The following OXR1 variants were observed in gnomAD, a reference collection of about 807,000 sequenced individuals.
The protein encoded by OXR1 is oxidation resistance 1.
A neutral mutation model predicts 104.6 loss-of-function variants in OXR1; 41 were observed. The ratio of observed to expected loss-of-function variants is 0.39; its 90% CI spans 0.31 to 0.51. The LOEUF is 0.51. OXR1 is among the 20% of genes least tolerant of loss of function. The pLI, the probability that OXR1 is intolerant of heterozygous loss-of-function variation, is 0.77. For synonymous variants in OXR1, 348 were observed against 348.4 expected, an observed-to-expected ratio of 1.00 and a Z score of 0.01; for missense variants, 955 against 1,031.9, an observed-to-expected ratio of 0.93 and a Z score of 1.02.
At chr8:106,579,738 C>A (rs1024872463) in intron 3 of OXR1, among the ~76,000 whole-genome samples, 1 of 151,902 alleles carries the variant, frequency 6.6e-6, no homozygotes, top group Non-Finnish European at 1.5e-5. Context: ...TTTCTGGTCC[C>A]ACTTTTTTTT....
intron 2 of OXR1, among the ~76,000 whole-genome samples, chr8:106,428,514 C>G (rs1449122006): frequency 6.6e-6 from 1 of 151,978 alleles, no homozygotes; most frequent in Non-Finnish European, 1.5e-5. Context: ...ATGGAGGCCA[C>G]TGGTCTACAG....
In OXR1 at chr8:106,702,944, TATA is replaced by T; in HGVS notation, c.717_719del (p.Ile239del). 1 of 1,613,788 alleles carries T rather than the reference TATA, an allele frequency of 6.2e-7. No individual in the cohort carries two copies. The highest frequency in any genetic ancestry group is 1.1e-5 in the South Asian group (1 of 91,068). On this transcript the variant is annotated inframe_deletion, in exon 8 of 17. Coordinates refer to ENST00000517566, the MANE Select transcript of OXR1 (RefSeq NM_001198533.2). ...GTGTGCTGCTAGTTACACCAAATAA[TATA>T]ATGTTTGATCCACATAAAAATGACC...
At chr8:106,574,174 CAGTT>C (rs1186510502) in intron 3 of OXR1, among the ~76,000 whole-genome samples, 1 of 152,120 alleles carries the variant, frequency 6.6e-6, no homozygotes, top group African/African-American at 2.4e-5. Context: ...GAAGCAGTAA[CAGTT>C]AGGATACTAA....
At chr8:106,274,608 C>CA (rs202131614) in intron 1 of OXR1, among the ~76,000 whole-genome samples, 1 of 143,376 alleles carries the variant, frequency 7.0e-6, no homozygotes, top group South Asian at 2.7e-4. Context: ...CCACCCCCCC[C>CA]CCGACCCCGC....
At chr8:106,702,765 G>C (rs1830698502) in intron 7 of OXR1, 141 bp from the exon 8 acceptor site, 3 of 578,460 alleles carry the variant, frequency 5.2e-6, no homozygotes, top group Non-Finnish European at 8.5e-6. Context: ...TAATAAAAAT[G>C]GTTTCATGAG....
At chr8:106,288,055 T>C (rs1444669067) in intron 1 of OXR1, among the ~76,000 whole-genome samples, 1 of 152,192 alleles carries the variant, frequency 6.6e-6, no homozygotes. Flanking sequence ...GCATATCCTC[T>C]TGCCATGGAC....
At chr8:106,288,582 A>G (rs1162976419) in intron 1 of OXR1, among the ~76,000 whole-genome samples, 1 of 141,330 alleles carries the variant, frequency 7.1e-6, no homozygotes, top group African/African-American at 2.9e-5. Context: ...GTGTATATGT[A>G]TATACACACC....
chr8:106,456,106 G>T (rs1263796828), intron 2 of OXR1, among the ~76,000 whole-genome samples: 1 of 152,148 alleles, frequency 6.6e-6, no homozygotes, highest in African/African-American at 2.4e-5. Flanking sequence ...CTTTCCAGCG[G>T]AAATGATCTA....
intron 3 of OXR1, among the ~76,000 whole-genome samples, chr8:106,589,202 C>T (rs756142305): frequency 3.9e-4 from 60 of 152,140 alleles, no homozygotes; most frequent in Non-Finnish European, 7.6e-4. Flanking sequence ...CCATCACAGG[C>T]AGATGTGGGT....
intron 2 of OXR1, among the ~76,000 whole-genome samples, chr8:106,422,745 A>G (rs1361205837): frequency 2.0e-5 from 3 of 152,158 alleles, no homozygotes; most frequent in Admixed American, 6.6e-5. Context: ...GCAGATTCAA[A>G]AAAGAAGGGC....
At chr8:106,433,283 T>G (rs1391231038) in intron 2 of OXR1, among the ~76,000 whole-genome samples, 1 of 152,114 alleles carries the variant, frequency 6.6e-6, no homozygotes. Context: ...TGGGCCAGAT[T>G]ATCAATCTGA....
intron 3 of OXR1, among the ~76,000 whole-genome samples, chr8:106,591,620 C>T: frequency 6.6e-6 from 1 of 151,944 alleles, no homozygotes; most frequent in East Asian, 1.9e-4. Context: ...TCCAACATTC[C>T]AAAGGTCACA....
chr8:106,666,083 T>G (rs1283271362), intron 3 of OXR1, among the ~76,000 whole-genome samples: 2 of 152,218 alleles, frequency 1.3e-5, no homozygotes, highest in Non-Finnish European at 2.9e-5. Flanking sequence ...TTTAATGTAG[T>G]TCAATGGTGT....
intron 1 of OXR1, among the ~76,000 whole-genome samples, chr8:106,293,965 A>ATTTTTTT (rs61559960): frequency 0.013 from 1,613 of 124,056 alleles, 42 homozygotes; most frequent in African/African-American, 0.046. Context: ...TGACAGTTTA[A>ATTTTTTT]TTTTTTTTTT....
chr8:106,511,384 C>T (rs1054763174), intron 2 of OXR1, among the ~76,000 whole-genome samples: 4 of 152,174 alleles, frequency 2.6e-5, no homozygotes, highest in Non-Finnish European at 5.9e-5. Flanking sequence ...CTTACATTAG[C>T]TCTTTTAGGA....
chr8:106,336,594 G>A (rs1013345127), intron 1 of OXR1, among the ~76,000 whole-genome samples: 4 of 152,164 alleles, frequency 2.6e-5, no homozygotes, highest in Admixed American at 6.5e-5. Flanking sequence ...TATGTTACCC[G>A]TCTTTAACTA....
intron 2 of OXR1, among the ~76,000 whole-genome samples, chr8:106,374,890 G>A (rs1816848788): frequency 6.6e-6 from 1 of 152,148 alleles, no homozygotes; most frequent in African/African-American, 2.4e-5. Flanking sequence ...TGTTCCAGAT[G>A]GTTTTTCAGC....
At chr8:106,279,579 C>T (rs1424282382) in intron 1 of OXR1, among the ~76,000 whole-genome samples, 2 of 152,122 alleles carry the variant, frequency 1.3e-5, no homozygotes, top group African/African-American at 4.8e-5. Flanking sequence ...CTGACTGAAG[C>T]ACAGAGATTT....
chr8:106,436,814 C>T (rs1586641990), intron 2 of OXR1, among the ~76,000 whole-genome samples: 2 of 152,186 alleles, frequency 1.3e-5, no homozygotes, highest in East Asian at 3.9e-4. Context: ...ATGCCTCTCT[C>T]CCTGTAGTTC....
Sources: allele counts gnomAD v4.1 joint callset (sites outside exome capture counted in the v4.1 genomes callset), GRCh38; gene constraint gnomAD v4.1.1; transcripts MANE v1.5; gene names NCBI Gene and HGNC (gene_info 2026-07-23, HGNC 2026-07-21).